The following POC1B variants were observed in gnomAD, a reference collection of about 807,000 sequenced individuals.
POC1B encodes POC1 centriolar protein B.
A neutral mutation model predicts 60.6 loss-of-function variants in POC1B; 44 were observed. The observed-to-expected ratio is 0.73, with a 90% confidence interval of 0.57 to 0.93. POC1B has a LOEUF of 0.93. POC1B is among the 40% of genes least tolerant of loss of function. POC1B has a pLI of 0.00. For missense variants in POC1B, 555 were observed against 572.3 expected (o/e 0.97, Z 0.31); for synonymous variants, 180 against 198.9 (o/e 0.90, Z 0.80).
chr12:89,441,388 T>C (rs944670871), intron 10 of POC1B, among the ~76,000 whole-genome samples: 2 of 152,082 alleles, frequency 1.3e-5, no homozygotes, highest in Non-Finnish European at 2.9e-5. Flanking sequence ...TGACACCTCA[T>C]ATGGCCGGGT....
At chr12:89,462,125 A>G (rs1882505990) in intron 9 of POC1B, among the ~76,000 whole-genome samples, 1 of 152,184 alleles carries the variant, frequency 6.6e-6, no homozygotes, top group African/African-American at 2.4e-5. Flanking sequence ...AATTAACAGT[A>G]TTTAACTGCG....
intron 2 of POC1B, among the ~76,000 whole-genome samples, chr12:89,507,266 C>CAAAAAA (rs34750133): frequency 1.6e-5 from 1 of 64,054 alleles, no homozygotes; most frequent in East Asian, 5.7e-4. Flanking sequence ...GGCCCTGTCT[C>CAAAAAA]AAAAAAAAAA....
intron 4 of POC1B, among the ~76,000 whole-genome samples, chr12:89,485,554 A>C (rs10128833): frequency 6.6e-6 from 1 of 151,544 alleles, no homozygotes; most frequent in Non-Finnish European, 1.5e-5. Flanking sequence ...CTGATTTTTT[A>C]AAAAAAATCC....
intron 4 of POC1B, among the ~76,000 whole-genome samples, chr12:89,480,681 G>C (rs1222540731): frequency 6.8e-6 from 1 of 147,262 alleles, no homozygotes; most frequent in Non-Finnish European, 1.5e-5. Context: ...CTCACTGCAG[G>C]CTCCGCCCCC....
chr12:89,444,862 G>T (rs941376891), intron 10 of POC1B, among the ~76,000 whole-genome samples: 1 of 152,112 alleles, frequency 6.6e-6, no homozygotes, highest in East Asian at 1.9e-4. Context: ...AAACCCCATC[G>T]TCTCAGCCCA....
intron 4 of POC1B, among the ~76,000 whole-genome samples, chr12:89,484,297 A>T (rs1160631930): frequency 1.3e-5 from 2 of 152,230 alleles, no homozygotes; most frequent in Admixed American, 6.5e-5. Flanking sequence ...TGATTACATA[A>T]ATTTAAACAG....
Position 89,478,414 on chromosome 12 carries a change from TG to T in POC1B, c.453-6140del, listed in dbSNP as rs544080693. On this transcript the variant is annotated intron_variant, in intron 4 of 11. Coordinates refer to ENST00000313546, the MANE Select transcript of POC1B (RefSeq NM_172240.3). ...GATTACAGGCGTTAAACACCACGCC[TG>T]GCCCCACATCCACATTTATACCTCA... Among the ~76,000 whole-genome samples the T allele has an allele frequency of 5.8e-4, 89 of 152,292 alleles. No homozygotes were observed. In the South Asian group the frequency reaches 0.014, roughly 24 times the overall value.
At chr12:89,523,169 T>C (rs1462474788) in intron 2 of POC1B, 13 of 1,613,554 alleles carry the variant, frequency 8.1e-6, no homozygotes, top group East Asian at 6.7e-5. Context: ...TCAGGAGAAT[T>C]ATAATCTAAA....
intron 11 of POC1B, among the ~76,000 whole-genome samples, chr12:89,424,511 T>C (rs768672319): frequency 3.9e-5 from 6 of 152,192 alleles, no homozygotes; most frequent in Non-Finnish European, 8.8e-5. Context: ...AATATTAGTA[T>C]TTAGTATTCT....
chr12:89,436,560 A>G (rs1881275003), intron 10 of POC1B, among the ~76,000 whole-genome samples: 1 of 152,126 alleles, frequency 6.6e-6, no homozygotes. Flanking sequence ...CTAAAAATAC[A>G]AAAATTAGCT....
intron 9 of POC1B, among the ~76,000 whole-genome samples, chr12:89,462,128 T>C (rs1165628982): frequency 6.6e-6 from 1 of 152,132 alleles, no homozygotes; most frequent in African/African-American, 2.4e-5. Flanking sequence ...TAACAGTATT[T>C]AACTGCGTAA....
intron 11 of POC1B, among the ~76,000 whole-genome samples, chr12:89,424,006 G>A (rs891927062): frequency 1.3e-5 from 2 of 152,162 alleles, no homozygotes; most frequent in Admixed American, 6.5e-5. Flanking sequence ...GGCCTTTAAG[G>A]AAAAGAGATG....
intron 10 of POC1B, among the ~76,000 whole-genome samples, chr12:89,456,604 A>T (rs1228345721): frequency 5.3e-5 from 8 of 152,356 alleles, no homozygotes; most frequent in Non-Finnish European, 1.0e-4. Context: ...CAATATTTTA[A>T]AACTATGTTT....
chr12:89,484,292 A>T (rs1045302226), intron 4 of POC1B, among the ~76,000 whole-genome samples: 2 of 152,254 alleles, frequency 1.3e-5, no homozygotes, highest in African/African-American at 4.8e-5. Flanking sequence ...AGGACTGATT[A>T]CATAAATTTA....
At chr12:89,522,295 A>G (rs1870953431) in intron 2 of POC1B, 1 of 397,450 alleles carries the variant, frequency 2.5e-6, no homozygotes, top group African/African-American at 2.1e-5. Flanking sequence ...CTTAAGCTCA[A>G]TTTTCTTTTT....
At chr12:89,514,407 T>C (rs1162137654) in intron 2 of POC1B, among the ~76,000 whole-genome samples, 3 of 130,910 alleles carry the variant, frequency 2.3e-5, no homozygotes, top group African/African-American at 8.6e-5. Context: ...TATTTCTTTT[T>C]TTTTTTTTTT....
chr12:89,419,834 T>A lies in POC1B; in HGVS notation c.*1319A>T, dbSNP rs1880457423. 6.6e-6 allele frequency: 1 copy of A among 152,218 alleles called. No homozygotes were observed. Among genetic ancestry groups the A allele is most frequent in the South Asian group, 2.1e-4 (1 of 4,834 alleles). 9.4% of individuals were successfully genotyped at this position (152,218 alleles called of 1,614,324 possible). ...GGGGTTATAAAAATACAATGCCACT[T>A]AGTTTTTGTAAGCTCTTGAAAATGT... On this transcript the variant is annotated 3_prime_UTR_variant, in exon 12 of 12. Coordinates refer to ENST00000313546, the MANE Select transcript of POC1B (RefSeq NM_172240.3).
intron 10 of POC1B, among the ~76,000 whole-genome samples, chr12:89,451,657 T>G (rs1388068248): frequency 6.6e-6 from 1 of 152,200 alleles, no homozygotes; most frequent in Non-Finnish European, 1.5e-5. Context: ...GTTCTAAATC[T>G]TTAGAAGCCC....
intron 10 of POC1B, among the ~76,000 whole-genome samples, chr12:89,453,379 G>C (rs987288070): frequency 6.6e-6 from 1 of 152,172 alleles, no homozygotes; most frequent in African/African-American, 2.4e-5. Context: ...GGAGGCACCA[G>C]CTAGGGAGTC....
Sources: allele counts gnomAD v4.1 joint callset (sites outside exome capture counted in the v4.1 genomes callset), GRCh38; gene constraint gnomAD v4.1.1; transcripts MANE v1.5; gene names NCBI Gene and HGNC (gene_info 2026-07-23, HGNC 2026-07-21).